The following DAB1 variants were observed in gnomAD, a reference collection of about 807,000 sequenced individuals.
The protein encoded by DAB1 is disabled homolog 1.
In DAB1, 15 loss-of-function variants were observed where a neutral mutation model predicts 64.6. The observed-to-expected ratio is 0.23, with a 90% CI of 0.16 to 0.36. The LOEUF is 0.36. DAB1 is among the 10% of genes least tolerant of loss of function. DAB1 has a pLI of 1.00. For missense variants in DAB1, 596 were observed against 706.7 expected (o/e 0.84, Z 1.78); for synonymous variants, 235 against 251.9 (o/e 0.93, Z 0.64).
intron 1 of DAB1, among the ~76,000 whole-genome samples, chr1:57,832,538 G>C (rs965773885): frequency 6.6e-6 from 1 of 152,210 alleles, no homozygotes; most frequent in Admixed American, 6.5e-5. Flanking sequence ...TTTTTAGTCA[G>C]ATACTTATTT....
At chr1:57,493,952 T>C (rs1460674512) in intron 7 of DAB1, among the ~76,000 whole-genome samples, 1 of 152,198 alleles carries the variant, frequency 6.6e-6, no homozygotes, top group Non-Finnish European at 1.5e-5. Flanking sequence ...GCCATTTCAC[T>C]TAGATAAGTC....
At chr1:57,910,475 T>C (rs564028117) in intron 5 of DAB1, among the ~76,000 whole-genome samples, 2 of 152,330 alleles carry the variant, frequency 1.3e-5, no homozygotes, top group South Asian at 2.1e-4. Context: ...ATACTTTCTT[T>C]TCTATTTTTT....
intron 6 of DAB1, among the ~76,000 whole-genome samples, chr1:57,661,111 G>T (rs1182970801): frequency 6.6e-6 from 1 of 151,950 alleles, no homozygotes; most frequent in Non-Finnish European, 1.5e-5. Flanking sequence ...TGAGACTTCT[G>T]GCCTTGGATA....
At chr1:58,041,271 T>C (rs12031318) in intron 5 of DAB1, among the ~76,000 whole-genome samples, 65,800 of 151,994 alleles carry the variant, frequency 0.43, 14,371 homozygotes, top group Non-Finnish European at 0.46. Context: ...ATTGCAACGA[T>C]TGGCTTACTT....
At chr1:57,706,623 T>G (rs778573961) in intron 6 of DAB1, among the ~76,000 whole-genome samples, 1 of 152,120 alleles carries the variant, frequency 6.6e-6, no homozygotes, top group South Asian at 2.1e-4. Flanking sequence ...ACTACTCACA[T>G]GTTTATCAAT....
intron 3 of DAB1, among the ~76,000 whole-genome samples, chr1:57,142,026 T>C (rs1262853989): frequency 6.6e-6 from 1 of 152,198 alleles, no homozygotes; most frequent in East Asian, 1.9e-4. Flanking sequence ...GGGAAGCTAA[T>C]ATGTATCTCA....
chr1:57,949,419 C>T (rs779117407), intron 5 of DAB1, among the ~76,000 whole-genome samples: 1 of 151,960 alleles, frequency 6.6e-6, no homozygotes, highest in Middle Eastern at 3.2e-3. Context: ...AGTACTGGTC[C>T]GTGGCCTGGG....
intron 1 of DAB1, among the ~76,000 whole-genome samples, chr1:57,834,663 G>A (rs751854515): frequency 1.1e-4 from 16 of 150,862 alleles, no homozygotes; most frequent in Admixed American, 4.6e-4. Context: ...GCACATATAC[G>A]TATGTGTACA....
At chr1:57,955,906 A>T (rs1356234888) in intron 5 of DAB1, among the ~76,000 whole-genome samples, 1 of 152,214 alleles carries the variant, frequency 6.6e-6, no homozygotes, top group Non-Finnish European at 1.5e-5. Context: ...TATTATTCCC[A>T]TTTTAAAATG....
intron 3 of DAB1, among the ~76,000 whole-genome samples, chr1:58,411,115 T>C (rs554362075): frequency 6.6e-6 from 1 of 152,210 alleles, no homozygotes; most frequent in Non-Finnish European, 1.5e-5. Flanking sequence ...GTGATGGGGA[T>C]CTCATTACTC....
At chr1:58,302,008 T>A (rs886179698) in intron 4 of DAB1, among the ~76,000 whole-genome samples, 6 of 152,122 alleles carry the variant, frequency 3.9e-5, no homozygotes, top group African/African-American at 1.4e-4. Context: ...AGCAGGGAAG[T>A]CTGGCCTCCT....
At chr1:57,853,175 T>A (rs937169588) in intron 1 of DAB1, among the ~76,000 whole-genome samples, 1 of 151,744 alleles carries the variant, frequency 6.6e-6, no homozygotes, top group African/African-American at 2.4e-5. Context: ...GTGGTTAGGA[T>A]GATGCATTAA....
chr1:57,381,455 T>C (rs1163095564), intron 1 of DAB1, among the ~76,000 whole-genome samples: 2 of 152,176 alleles, frequency 1.3e-5, no homozygotes, highest in Non-Finnish European at 2.9e-5. Context: ...ATACTGATGA[T>C]GTGCAATGTC....
chr1:57,538,856 C>G (rs1644762057), intron 7 of DAB1, among the ~76,000 whole-genome samples: 1 of 152,210 alleles, frequency 6.6e-6, no homozygotes, highest in African/African-American at 2.4e-5. Context: ...CACTCACCCC[C>G]CCTACAACTC....
At chr1:57,889,889 C>T (rs1644280577) in intron 5 of DAB1, among the ~76,000 whole-genome samples, 1 of 64,708 alleles carries the variant, frequency 1.5e-5, no homozygotes, top group African/African-American at 1.1e-4. Context: ...GATGGTAGCA[C>T]AAACTGGGGC....
chr1:57,307,815 C>G (rs1558135679), intron 1 of DAB1, among the ~76,000 whole-genome samples: 2 of 152,164 alleles, frequency 1.3e-5, no homozygotes, highest in African/African-American at 2.4e-5. Flanking sequence ...AGACCATACT[C>G]TCTTCCCTGT....
At chr1:57,528,059 A>C (rs976780074) in intron 7 of DAB1, among the ~76,000 whole-genome samples, 2 of 152,032 alleles carry the variant, frequency 1.3e-5, no homozygotes, top group Non-Finnish European at 2.9e-5. Context: ...CTTAGAGATG[A>C]CAAAAAAATG....
intron 7 of DAB1, among the ~76,000 whole-genome samples, chr1:57,510,412 C>T (rs1644393237): frequency 2.0e-5 from 3 of 152,176 alleles, no homozygotes; most frequent in African/African-American, 7.2e-5. Flanking sequence ...TTCTTTGGAA[C>T]CCTTGGGCTC....
intron 3 of DAB1, among the ~76,000 whole-genome samples, chr1:58,401,415 G>A (rs1457497810): frequency 2.0e-5 from 3 of 152,120 alleles, no homozygotes; most frequent in African/African-American, 7.2e-5. Flanking sequence ...TCTTCCCCTT[G>A]ACATCTTTAA....
Sources: gnomAD v4.1 joint callset for allele counts (sites outside exome capture counted in the v4.1 genomes callset) on GRCh38, gnomAD v4.1.1 for gene constraint, MANE v1.5 for transcripts, NCBI Gene and HGNC (gene_info 2026-07-23, HGNC 2026-07-21) for gene names.